Variants in NOTCH1 observed in about 807,000 individuals in gnomAD.
The protein encoded by NOTCH1 is neurogenic locus notch homolog protein 1.
NOTCH1 carries 37 observed loss-of-function variants against 254.8 expected under a neutral mutation model. The observed-to-expected ratio is 0.15, with a 90% confidence interval of 0.11 to 0.19. NOTCH1 has a LOEUF of 0.19. Ranked by LOEUF, NOTCH1 falls within the 10% of genes least tolerant of loss-of-function variation. The pLI is 1.00. For missense variants in NOTCH1, 2,972 were observed against 3,708.6 expected (o/e 0.80, Z 5.16); for synonymous variants, 1,731 against 1,618.1 (o/e 1.07, Z -1.68).
intron 2 of NOTCH1, among the ~76,000 whole-genome samples, chr9:136,531,339 C>T (rs536638476): frequency 6.6e-6 from 1 of 152,356 alleles, no homozygotes; most frequent in East Asian, 1.9e-4. Context: ...CTCAGAACCA[C>T]ACCTGCTGAT....
At chr9:136,511,901 G>C (rs3124601) in intron 15 of NOTCH1, among the ~76,000 whole-genome samples, 1 of 152,182 alleles carries the variant, frequency 6.6e-6, no homozygotes, top group African/African-American at 2.4e-5. Flanking sequence ...GTGCACAGCC[G>C]AGGGCCTTTT....
rs775527768 is a variant in NOTCH1 at position 136,519,591 on chromosome 9, C to T, written c.743-26G>A. On this transcript the variant is annotated intron_variant, in intron 4 of 33. Transcript: ENST00000651671. Reference sequence around the variant, plus strand: ...CTGCCGCAAGAGGGGCCGGGTCAGCCTCTTCCCTGAGGTCCAGTCCGGCTC... The same window carrying T: ...CTGCCGCAAGAGGGGCCGGGTCAGCTTCTTCCCTGAGGTCCAGTCCGGCTC... 6 of 1,612,438 alleles carry T rather than the reference C, an allele frequency of 3.7e-6. No homozygotes were observed. The South Asian group carries it at 5.5e-5, about 15-fold the overall frequency.
chr9:136,519,469 T>C lies in NOTCH1; in HGVS notation c.839A>G (p.Asn280Ser), dbSNP rs367825691. 1.0e-4 allele frequency: 168 copies of C among 1,612,334 alleles called. No homozygotes were observed. Among genetic ancestry groups the C allele is most frequent in the Admixed American group, 1.8e-4 (11 of 60,006 alleles). Residue 280 changes from asparagine (N) to serine (S), a missense_variant, in exon 5 of 34, where the codon AAC (asparagine) becomes AGC (serine). Asn to Ser is a conservative substitution (Grantham distance 46). Coordinates refer to ENST00000651671, the MANE Select transcript of NOTCH1 (RefSeq NM_017617.5). ...GACVDGVNTY[N>S]CRCPPEWTGQ... Reference sequence around the variant, plus strand: ...TGTCCACTCTGGCGGGCAGCGGCAGTTGTAGGTGTTCACGCCGTCCACACA... The same window carrying C: ...TGTCCACTCTGGCGGGCAGCGGCAGCTGTAGGTGTTCACGCCGTCCACACA...
At position 136,508,153 on chromosome 9, in the gene NOTCH1, G is replaced by C. The variant is rs1843119201; in HGVS notation, c.3326-14C>G. 6.2e-7 allele frequency: 1 copy of C among 1,608,090 alleles called. No individual in the cohort carries two copies. Among genetic ancestry groups the C allele is most frequent in the Non-Finnish European group, 8.5e-7 (1 of 1,179,606 alleles). ...CAACGTCAACACCTGCGGGGGATGG[G>C]GTGGTAGACAGGTGAGGCCCAGGCC... On this transcript the variant is annotated splice_polypyrimidine_tract_variant and intron_variant, in intron 20 of 33. Coordinates refer to ENST00000651671, the MANE Select transcript of NOTCH1 (RefSeq NM_017617.5).
At position 136,504,788 on chromosome 9, in the gene NOTCH1, C is replaced by A. The variant is rs911387577; in HGVS notation, c.4903G>T (p.Ala1635Ser). Reference sequence around the variant, plus strand: ...GCGTCAGGTGCGGCCCAGCCCTCGGCGGCACGCTTGATGGGGTGCTTGCGC... The same window carrying A: ...GCGTCAGGTGCGGCCCAGCCCTCGGAGGCACGCTTGATGGGGTGCTTGCGC... ...ELRKHPIKRA[A>S]EGWAAPDALL... The change falls in exon 26 of 34, where the codon GCC becomes TCC. Residue 1635 changes from alanine (A) to serine (S), a missense_variant. This residue lies in a region of NOTCH1 where 1,343 missense variants were observed against 1,557.0 expected (regional missense o/e 0.86). Transcript: ENST00000651671. 6.4e-7 allele frequency: 1 copy of A among 1,554,980 alleles called. No individual in the cohort carries two copies. The highest frequency in any genetic ancestry group is 8.7e-7 in the Non-Finnish European group (1 of 1,149,808).
Position 136,497,131 on chromosome 9 carries a change from AG to A in NOTCH1, c.6607del (p.Leu2203TrpfsTer45). ...TGACAGGTAGCCATGGGGTGACTCC[AG>A]GGAGTCCACGGGCGAGAGCATGCCG... ...SSGMLSPVDS[L>X]ESPHGYLSDV... On this transcript the variant is annotated frameshift_variant, in exon 34 of 34. Transcript: ENST00000651671. LOFTEE classifies it high-confidence loss of function. 6.2e-7 allele frequency: 1 copy of A among 1,612,592 alleles called. No homozygotes were observed. Among genetic ancestry groups the A allele is most frequent in the Non-Finnish European group, 8.5e-7 (1 of 1,179,908 alleles).
intron 26 of NOTCH1, among the ~76,000 whole-genome samples, chr9:136,504,447 G>A (rs1418025795): frequency 6.6e-6 from 1 of 152,240 alleles, no homozygotes; most frequent in Non-Finnish European, 1.5e-5. Context: ...CAGTGGCCCA[G>A]GAAAAGGGTG....
At position 136,506,250 on chromosome 9, in the gene NOTCH1, T is replaced by TG. The variant is rs1843082590; in HGVS notation, c.4014+276dup. On this transcript the variant is annotated intron_variant, in intron 24 of 33. Coordinates refer to ENST00000651671, the MANE Select transcript of NOTCH1 (RefSeq NM_017617.5). This position sits in a 1 kb window ranked among gnomAD's most constrained non-coding sequence, Gnocchi z 4.5. Reference sequence around the variant, plus strand: ...GCTGCTGTTGGTAACAATGTATCACTGAAATCCAGAGTGAAATTGATGCAA... The same window carrying TG: ...GCTGCTGTTGGTAACAATGTATCACTGGAAATCCAGAGTGAAATTGATGCAA... 6.6e-6 allele frequency among the ~76,000 whole-genome samples: 1 copy of TG among 152,098 alleles called. No homozygotes were observed. The highest frequency in any genetic ancestry group is 2.4e-5 in the African/African-American group (1 of 41,406).
intron 18 of NOTCH1, 68 bp from the exon 19 acceptor site, chr9:136,509,139 G>A (rs1012839282): frequency 1.4e-6 from 2 of 1,412,110 alleles, no homozygotes; most frequent in Non-Finnish European, 1.9e-6. Flanking sequence ...AGCAGATTCT[G>A]CCTCGCCAGC....
At chr9:136,536,398 T>C (rs1843658237) in intron 2 of NOTCH1, among the ~76,000 whole-genome samples, 1 of 152,168 alleles carries the variant, frequency 6.6e-6, no homozygotes, top group Non-Finnish European at 1.5e-5. Context: ...GGCCAGGGCA[T>C]AGCCAGTCAC....
chr9:136,530,156 C>A (rs1049643668), intron 2 of NOTCH1, among the ~76,000 whole-genome samples: 1 of 152,164 alleles, frequency 6.6e-6, no homozygotes, highest in South Asian at 2.1e-4. Flanking sequence ...GCGGCCGGCC[C>A]GCCACAGCGC....
rs764785739 is a variant in NOTCH1 at position 136,506,754 on chromosome 9, A to G, written c.3863T>C (p.Val1288Ala). 2.6e-5 allele frequency: 41 copies of G among 1,604,634 alleles called. No individual in the cohort carries two copies. The South Asian group carries it at 4.2e-4, about 17-fold the overall frequency. ...ACGGCACTCGCAGTGGAAGTCATTG[A>G]CGCGCTGCACGCAGTTCTGGGTGCC... Reference protein sequence around the residue: ...ARGTQNCVQRVNDFHCECRAG... With the variant: ...ARGTQNCVQRANDFHCECRAG... Residue 1288 changes from valine to alanine, a missense_variant, in exon 23 of 34, where the codon GTC becomes GCC. By Grantham distance (64) the Val-to-Ala change is moderately conservative. Coordinates refer to ENST00000651671, the MANE Select transcript of NOTCH1 (RefSeq NM_017617.5). This position sits in a 1 kb window ranked among gnomAD's most constrained non-coding sequence, Gnocchi z 4.5.
intron 16 of NOTCH1, 117 bp from the exon 17 acceptor site, chr9:136,510,922 C>T: frequency 1.4e-6 from 2 of 1,455,016 alleles, no homozygotes; most frequent in South Asian, 1.2e-5. Context: ...CTTCCGTGAC[C>T]CCAGGACCAT....
In NOTCH1 at chr9:136,505,109, G is replaced by A. The variant is rs780617240; in HGVS notation, c.4587-5C>T. On this transcript the variant is annotated splice_region_variant and splice_polypyrimidine_tract_variant and intron_variant, in intron 25 of 33. Coordinates refer to ENST00000651671, the MANE Select transcript of NOTCH1 (RefSeq NM_017617.5). ...CAGTACTGGTCGTACAGGGGGCTGT[G>A]GGGGGCGGGACACGCTCAGGCCGCC... 1.3e-5 allele frequency: 21 copies of A among 1,607,056 alleles called. No homozygotes were observed. Among genetic ancestry groups the A allele is most frequent in the Non-Finnish European group, 1.8e-5 (21 of 1,179,334 alleles).
intron 4 of NOTCH1, among the ~76,000 whole-genome samples, chr9:136,521,914 C>T (rs974668559): frequency 6.6e-6 from 1 of 152,226 alleles, no homozygotes; most frequent in Non-Finnish European, 1.5e-5. Flanking sequence ...AATGCCCTCT[C>T]CCCATTCCCA....
In NOTCH1 at chr9:136,515,962, G is replaced by A. The variant is rs764085225; in HGVS notation, c.1669+19C>T. 2 of 1,589,590 alleles carry A rather than the reference G, an allele frequency of 1.3e-6. No homozygotes were observed. The highest frequency in any genetic ancestry group is 1.7e-6 in the Non-Finnish European group (2 of 1,163,918). ...GTCCCGTCCCCAGTCCCTCCCCGCTGGTGGGCGCCAGCCCGCACCTTCCGT... is the reference window on the plus strand; with the variant it reads ...GTCCCGTCCCCAGTCCCTCCCCGCTAGTGGGCGCCAGCCCGCACCTTCCGT... On this transcript the variant is annotated intron_variant, in intron 10 of 33. Coordinates refer to ENST00000651671, the MANE Select transcript of NOTCH1 (RefSeq NM_017617.5).
rs772308416 is a variant in NOTCH1 at position 136,496,314 on chromosome 9, G to A, written c.7425C>T (p.Pro2475=). ...GCGTCAGGAACTGGGCTGCGGTCAC[G>A]GGTGGGACCAGCGAGGATGGCAGCG... The part of the protein sequence containing the change: ...PTSLPSSLVP[P]VTAAQFLTPP... Residue 2475 remains proline, a synonymous_variant, in exon 34 of 34, where the codon CCC becomes CCT. Transcript: ENST00000651671. 6.1e-5 allele frequency: 97 copies of A among 1,595,370 alleles called. No individual in the cohort carries two copies. The highest frequency in any genetic ancestry group is 7.0e-5 in the Non-Finnish European group (82 of 1,170,942).
In NOTCH1 at chr9:136,507,031, C is replaced by T. The variant is rs188560725; in HGVS notation, c.3644-58G>A. On this transcript the variant is annotated intron_variant, in intron 22 of 33. Coordinates refer to ENST00000651671, the MANE Select transcript of NOTCH1 (RefSeq NM_017617.5). ...CCGCCACACCCCGGCCCTGCCGTGC[C>T]GCGTGTCCGTCCCGGAAGACGAGCG... The T allele has an allele frequency of 1.1e-4, 179 of 1,576,952 alleles. No homozygotes were observed. The East Asian group carries it at 3.6e-3, about 32-fold the overall frequency.
chr9:136,524,079 C>T, intron 2 of NOTCH1, 100 bp from the exon 3 acceptor site: 2 of 1,460,886 alleles, frequency 1.4e-6, no homozygotes, highest in Non-Finnish European at 1.8e-6. Flanking sequence ...CGCCTCCCCC[C>T]ACACCCCGGG....
Sources: gnomAD v4.1 joint callset for allele counts (sites outside exome capture counted in the v4.1 genomes callset) on GRCh38, gnomAD v4.1.1 for gene constraint, gnomAD v4.1.1 regional missense constraint, Gnocchi (gnomAD v3.1) non-coding constraint, MANE v1.5 for transcripts, NCBI Gene and HGNC (gene_info 2026-07-23, HGNC 2026-07-21) for gene names.